Variants in LTF observed in about 807,000 individuals in gnomAD.
LTF encodes lactotransferrin.
In LTF, 91 loss-of-function variants were observed where a neutral mutation model predicts 87.2. That is an observed-to-expected ratio of 1.04 (90% CI 0.88 to 1.24). LTF has a LOEUF of 1.24. Among genes scored for constraint, LTF ranks in the 50% most tolerant of loss-of-function variants. The pLI, the probability that LTF is intolerant of heterozygous loss-of-function variation, is 0.00. For synonymous variants in LTF, 378 were observed against 356.1 expected (o/e 1.06, Z -0.69); for missense variants, 901 against 904.3 (o/e 1.00, Z 0.05).
chr3:46,445,140 G>A (rs750210293), intron 12 of LTF, 141 bp downstream of exon 12: 1 of 849,736 alleles, frequency 1.2e-6, no homozygotes, highest in Non-Finnish European at 1.8e-6. Context: ...GGCAGCCACA[G>A]GGAGAATTTC....
intron 1 of LTF, among the ~76,000 whole-genome samples, chr3:46,482,152 C>A (rs942921569): frequency 6.6e-6 from 1 of 151,998 alleles, no homozygotes; most frequent in Admixed American, 6.6e-5. Flanking sequence ...TAAGTTTAGT[C>A]TGCATTATTA....
At chr3:46,457,050 A>G (rs915102351) in intron 2 of LTF, among the ~76,000 whole-genome samples, 1 of 152,284 alleles carries the variant, frequency 6.6e-6, no homozygotes, top group East Asian at 1.9e-4. Flanking sequence ...TCACACTCCT[A>G]TGAGAATCTA....
At chr3:46,474,606 A>C (rs1481284039) in intron 1 of LTF, among the ~76,000 whole-genome samples, 1 of 152,218 alleles carries the variant, frequency 6.6e-6, no homozygotes, top group Non-Finnish European at 1.5e-5. Context: ...GCAGAACTGA[A>C]TCAACATTTA....
In LTF at chr3:46,439,297, T is replaced by G. The variant is rs753708644; in HGVS notation, c.1907A>C (p.Gln636Pro). 1.2e-6 allele frequency: 2 copies of G among 1,609,914 alleles called. No homozygotes were observed. The highest frequency in any genetic ancestry group is 8.5e-7 in the Non-Finnish European group (1 of 1,177,912). ...ERLKQVLLHQ[Q>P]AKFGRNGSDC... ...CACTAGAAGCCCTGTGGTCCATACC[T>G]GTTGGTGGAGCAACACCTGTTTCAG... The change falls in exon 15 of 17, where the codon CAG becomes CCG. Residue 636 changes from glutamine to proline, a missense_variant and splice_region_variant. Physicochemically the swap from Gln to Pro is moderately conservative, Grantham distance 76. Transcript: ENST00000231751.
In LTF at chr3:46,448,874, C is replaced by A; in HGVS notation, c.1201G>T (p.Ala401Ser). 3 of 1,613,164 alleles carry A rather than the reference C, an allele frequency of 1.9e-6. No homozygotes were observed. The highest frequency in any genetic ancestry group is 2.2e-5 in the South Asian group (2 of 91,012). ...ATGGAGCTCCCTACCAGCACCAGGG[C>A]GATGCAGTCCTCTGTGGTGGAGGCC... ...SSASTTEDCIALVLKGEADAM... is the reference protein window; with the variant it reads ...SSASTTEDCISLVLKGEADAM... Residue 401 changes from alanine (A) to serine (S), a missense_variant, in exon 9 of 17, where the codon GCC becomes TCC. Transcript: ENST00000231751.
intron 1 of LTF, among the ~76,000 whole-genome samples, chr3:46,470,798 GTC>G (rs1575326852): frequency 6.6e-6 from 1 of 152,222 alleles, no homozygotes; most frequent in East Asian, 1.9e-4. Context: ...ACCTAGGTCA[GTC>G]TCTCAACCTA....
rs1702513465 is a variant in LTF, at chr3:46,441,493, T to C, written c.1656-10A>G. On this transcript the variant is annotated splice_polypyrimidine_tract_variant and intron_variant, in intron 13 of 16. Transcript: ENST00000231751. ...ATTCTCAGCCAGGCACCTAAAATGTTCCAGAAAATATACACATAATTACAG... is the reference window on the plus strand; with the variant it reads ...ATTCTCAGCCAGGCACCTAAAATGTCCCAGAAAATATACACATAATTACAG... 1.2e-6 allele frequency: 2 copies of C among 1,605,784 alleles called. No individual in the cohort carries two copies. Among genetic ancestry groups the C allele is most frequent in the Admixed American group, 1.7e-5 (1 of 59,730 alleles).
intron 1 of LTF, among the ~76,000 whole-genome samples, chr3:46,464,218 A>C (rs1394218977): frequency 6.6e-6 from 1 of 150,788 alleles, no homozygotes; most frequent in Non-Finnish European, 1.5e-5. Context: ...CCTTCCTTCT[A>C]CTCCTTCCTT....
intron 1 of LTF, among the ~76,000 whole-genome samples, chr3:46,464,078 C>T (rs1703152559): frequency 1.3e-5 from 2 of 152,200 alleles, no homozygotes; most frequent in Admixed American, 1.3e-4. Context: ...TCTGCTGCGG[C>T]CTGGGACCTT....
chr3:46,481,611 C>T (rs983321830), intron 1 of LTF, among the ~76,000 whole-genome samples: 1 of 152,242 alleles, frequency 6.6e-6, no homozygotes, highest in South Asian at 2.1e-4. Flanking sequence ...ATTAGCTGGG[C>T]CTGGTGGCAG....
chr3:46,452,973 G>C lies in LTF; in HGVS notation c.703+1332C>G, dbSNP rs530145637. Among the ~76,000 whole-genome samples, 5 of 152,334 alleles carry C rather than the reference G, an allele frequency of 3.3e-5. No homozygotes were observed. In the East Asian group the frequency reaches 9.6e-4, roughly 29 times the overall value. On this transcript the variant is annotated intron_variant, in intron 6 of 16. Coordinates refer to ENST00000231751, the MANE Select transcript of LTF (RefSeq NM_002343.6). ...CAAAACTACAAACCAACAAGGTGAG[G>C]CTTGTGGATTTGACCTTATCAATAT... is the stretch of plus-strand genomic sequence containing the variant.
chr3:46,439,614 A>T lies in LTF; in HGVS notation c.1724-134T>A, dbSNP rs1702467630. 1.0e-5 allele frequency: 7 copies of T among 689,276 alleles called. No homozygotes were observed. The South Asian group carries it at 1.2e-4, about 12-fold the overall frequency. The allele number at this position is 689,276 out of a possible 1,614,324, so 42.7% of individuals were successfully genotyped here. A position where few individuals can be genotyped will look rare whatever the true frequency, so the allele number is the denominator to read the frequency against. ...GTTGTGGTGATGTGAGGAACAGAGA[A>T]GGAGCTTCATCCTACACAAGCTGTA... On this transcript the variant is annotated intron_variant, in intron 14 of 16. Coordinates refer to ENST00000231751, the MANE Select transcript of LTF (RefSeq NM_002343.6).
intron 1 of LTF, among the ~76,000 whole-genome samples, chr3:46,483,917 T>C (rs76544310): frequency 0.021 from 3,189 of 152,218 alleles, 98 homozygotes; most frequent in African/African-American, 0.068. Flanking sequence ...GCTGGGACTA[T>C]AGATGTGAGC....
chr3:46,448,997 G>A lies in LTF; in HGVS notation c.1078C>T (p.Arg360Trp), dbSNP rs144305401. The A allele has an allele frequency of 1.8e-4, 296 of 1,609,688 alleles. 1 individual carries two copies. The Middle Eastern group carries it at 4.9e-3, about 27-fold the overall frequency. Residue 360 changes from arginine (R) to tryptophan (W), a missense_variant, in exon 9 of 17, where the codon CGG (arginine) becomes TGG (tryptophan). Coordinates refer to ENST00000231751, the MANE Select transcript of LTF (RefSeq NM_002343.6). ...LRKSEEEVAA[R>W]RARVVWCAVG... ...GCACACCACACGACCCGCGCACGCC[G>A]GGCAGCCACTTCCTCCTCACCTGCC...
rs1175480514 is a variant in LTF at position 46,454,347 on chromosome 3, C to T, written c.661G>A (p.Gly221Arg). ...YSGAFKCLRD[G>R]AGDVAFIRES... ...CTGATAAAAGCCACGTCTCCAGCCC[C>T]GTCTCTCAGACACCTGTGAAAAGAG... The change falls in exon 6 of 17, where the codon GGG (glycine) becomes AGG (arginine). Residue 221 changes from glycine to arginine, a missense_variant. Coordinates refer to ENST00000231751, the MANE Select transcript of LTF (RefSeq NM_002343.6). 9 of 1,614,048 alleles carry T rather than the reference C, an allele frequency of 5.6e-6. No individual in the cohort carries two copies. Among genetic ancestry groups the T allele is most frequent in the East Asian group, 2.2e-5 (1 of 44,890 alleles).
chr3:46,444,654 A>T (rs1413348914), intron 12 of LTF, among the ~76,000 whole-genome samples: 1 of 152,060 alleles, frequency 6.6e-6, no homozygotes, highest in Non-Finnish European at 1.5e-5. Flanking sequence ...AGGATCAAAA[A>T]CCCATGCAGT....
Position 46,441,445 on chromosome 3 carries a change from T to C in LTF, c.1694A>G (p.Lys565Arg). 1 of 1,613,798 alleles carries C rather than the reference T, an allele frequency of 6.2e-7. No homozygotes were observed. Among genetic ancestry groups the C allele is most frequent in the Non-Finnish European group, 8.5e-7 (1 of 1,179,892 alleles). The change falls in exon 14 of 17, where the codon AAA (lysine) becomes AGA (arginine). Residue 565 changes from lysine to arginine, a missense_variant. Coordinates refer to ENST00000231751, the MANE Select transcript of LTF (RefSeq NM_002343.6). Reference sequence around the variant, plus strand: ...AGTGTTCTGCAAGACAGTGACATCTTTCACAAATGCAACGTCTCCAGCATT... The same window carrying C: ...AGTGTTCTGCAAGACAGTGACATCTCTCACAAATGCAACGTCTCCAGCATT... ...AENAGDVAFVKDVTVLQNTDG... is the reference protein window; with the variant it reads ...AENAGDVAFVRDVTVLQNTDG...
At chr3:46,484,807 C>T (rs548352958) in intron 1 of LTF, among the ~76,000 whole-genome samples, 16 of 152,180 alleles carry the variant, frequency 1.1e-4, no homozygotes, top group African/African-American at 3.6e-4. Context: ...CCCACCACCT[C>T]GGGGCAGAGA....
chr3:46,443,799 C>G (rs760281471), intron 12 of LTF, among the ~76,000 whole-genome samples: 2 of 152,206 alleles, frequency 1.3e-5, no homozygotes, highest in Admixed American at 1.3e-4. Flanking sequence ...GGACACCCAA[C>G]TAAGGCTGGG....
Sources: allele counts gnomAD v4.1 joint callset (sites outside exome capture counted in the v4.1 genomes callset), GRCh38; gene constraint gnomAD v4.1.1; transcripts MANE v1.5; gene names NCBI Gene and HGNC (gene_info 2026-07-23, HGNC 2026-07-21).